Variants in ESYT2 observed in about 807,000 individuals in gnomAD.
The protein encoded by ESYT2 is extended synaptotagmin-2.
ESYT2 carries 54 observed loss-of-function variants against 107.2 expected under a neutral mutation model. That is an observed-to-expected ratio of 0.50 (90% CI 0.40 to 0.63). ESYT2 has a LOEUF of 0.63. ESYT2 is among the 30% of genes least tolerant of loss of function. ESYT2 has a pLI of 0.00. For synonymous variants in ESYT2, 491 were observed against 434.1 expected (o/e 1.13, Z -1.63); for missense variants, 1,020 against 1,094.5 (o/e 0.93, Z 0.96).
chr7:158,756,783 C>T (rs1390038491), intron 13 of ESYT2, among the ~76,000 whole-genome samples: 1 of 151,806 alleles, frequency 6.6e-6, no homozygotes, highest in Non-Finnish European at 1.5e-5. Flanking sequence ...GTGGTGGGTG[C>T]CTGTAATCCC....
chr7:158,779,128 T>G lies in ESYT2; in HGVS notation c.748-5732A>C, dbSNP rs987514655. ...TATCTAGATAAAACTTCCTTAAGGC[T>G]ATCTAGAAATCTGAAAGATGGCTTC... On this transcript the variant is annotated intron_variant, in intron 6 of 22. Coordinates refer to ENST00000275418, the MANE Select transcript of ESYT2 (RefSeq NM_001367773.1). 2.6e-5 allele frequency among the ~76,000 whole-genome samples: 4 copies of G among 152,358 alleles called. No homozygotes were observed. In the East Asian group the frequency reaches 7.7e-4, roughly 29 times the overall value.
At chr7:158,758,254 T>C (rs1837835204) in intron 13 of ESYT2, among the ~76,000 whole-genome samples, 1 of 152,250 alleles carries the variant, frequency 6.6e-6, no homozygotes, top group African/African-American at 2.4e-5. Flanking sequence ...TAGGTAACTT[T>C]AAATAAAATG....
At chr7:158,804,237 G>T (rs1839739477) in intron 1 of ESYT2, among the ~76,000 whole-genome samples, 2 of 73,554 alleles carry the variant, frequency 2.7e-5, no homozygotes, top group Non-Finnish European at 4.9e-5. Flanking sequence ...CGCCGAGAAG[G>T]GTGAGGCGCG....
chr7:158,734,418 T>C lies in ESYT2; in HGVS notation c.2555+4A>G. 2 of 1,613,878 alleles carry C rather than the reference T, an allele frequency of 1.2e-6. No individual in the cohort carries two copies. Among genetic ancestry groups the C allele is most frequent in the South Asian group, 2.2e-5 (2 of 91,050 alleles). ...GGTTCTCTGTCTGCAGCAGGGACACTCACCACTGGGTCCAGCCTTTGGCAA... is the reference window on the plus strand; with the variant it reads ...GGTTCTCTGTCTGCAGCAGGGACACCCACCACTGGGTCCAGCCTTTGGCAA... On this transcript the variant is annotated splice_donor_region_variant and intron_variant, in intron 22 of 22. Coordinates refer to ENST00000275418, the MANE Select transcript of ESYT2 (RefSeq NM_001367773.1).
At position 158,799,085 on chromosome 7, in the gene ESYT2, T is replaced by C. The variant is rs766009800; in HGVS notation, c.331-13A>G. ...CTGGAAAATGAACCTAGGAGGAAAA[T>C]ACACACATATGACTTATTAACTCCC... On this transcript the variant is annotated splice_polypyrimidine_tract_variant and intron_variant, in intron 1 of 22. Coordinates refer to ENST00000275418, the MANE Select transcript of ESYT2 (RefSeq NM_001367773.1). 1 of 1,612,032 alleles carries C rather than the reference T, an allele frequency of 6.2e-7. No individual in the cohort carries two copies. Among genetic ancestry groups the C allele is most frequent in the Non-Finnish European group, 8.5e-7 (1 of 1,178,516 alleles).
Position 158,734,118 on chromosome 7 carries a change from T to C in ESYT2, c.*89A>G. On this transcript the variant is annotated 3_prime_UTR_variant, in exon 23 of 23. Transcript: ENST00000275418. ...ATGTATAACTAAATCCATGAAATTA[T>C]AAAAATAACATTGGTACGTCTGTGA... 5.5e-6 allele frequency: 8 copies of C among 1,458,614 alleles called. No homozygotes were observed. Among genetic ancestry groups the C allele is most frequent in the East Asian group, 4.6e-5 (2 of 43,490 alleles). The allele number at this position is 1,458,614 out of a possible 1,614,324, so 90.4% of individuals were successfully genotyped here.
intron 1 of ESYT2, among the ~76,000 whole-genome samples, chr7:158,811,311 A>G (rs908921399): frequency 6.6e-6 from 1 of 152,234 alleles, no homozygotes; most frequent in African/African-American, 2.4e-5. Flanking sequence ...GAGGACCCAA[A>G]GTAAATCAGT....
rs60662415 is a variant in ESYT2 at position 158,782,152 on chromosome 7, TGTGA to T, written c.747+5848_747+5851del. ...GAACGAGAACAAGTGAGTGAACAAG[TGTGA>T]GTGTGAGAACAGTGAGGTGTGAGTG... On this transcript the variant is annotated intron_variant, in intron 6 of 22. Transcript: ENST00000275418. Among the ~76,000 whole-genome samples the T allele has an allele frequency of 2.5e-3, 367 of 146,798 alleles. 6 individuals carry two copies. The East Asian group carries it at 0.056, about 22-fold the overall frequency.
At chr7:158,802,686 A>C (rs759850805) in intron 1 of ESYT2, among the ~76,000 whole-genome samples, 1 of 152,264 alleles carries the variant, frequency 6.6e-6, no homozygotes, top group African/African-American at 2.4e-5. Context: ...TGAAACATGC[A>C]GTATCAATTC....
intron 6 of ESYT2, among the ~76,000 whole-genome samples, chr7:158,777,104 C>T (rs1338946869): frequency 1.3e-5 from 2 of 152,026 alleles, no homozygotes; most frequent in Non-Finnish European, 2.9e-5. Context: ...CTCAAGTGAT[C>T]CGCCCCACTT....
chr7:158,785,120 T>C (rs1311265448), intron 6 of ESYT2, among the ~76,000 whole-genome samples: 1 of 152,132 alleles, frequency 6.6e-6, no homozygotes, highest in Non-Finnish European at 1.5e-5. Flanking sequence ...CTTTTCTCCT[T>C]ACTGATAATT....
At chr7:158,749,798 C>T (rs1837524899) in intron 14 of ESYT2, 75 bp from the exon 15 acceptor site, 1 of 1,364,748 alleles carries the variant, frequency 7.3e-7, no homozygotes. Flanking sequence ...AATGAAATTA[C>T]TGGCTTATAT....
intron 2 of ESYT2, among the ~76,000 whole-genome samples, chr7:158,798,408 A>G (rs1253692653): frequency 6.6e-6 from 1 of 152,106 alleles, no homozygotes; most frequent in Non-Finnish European, 1.5e-5. Flanking sequence ...AGCATTTGGG[A>G]GGCTGAAGCG....
chr7:158,767,322 T>C (rs1188477046), intron 8 of ESYT2, among the ~76,000 whole-genome samples: 2 of 152,304 alleles, frequency 1.3e-5, no homozygotes, highest in East Asian at 1.9e-4. Flanking sequence ...CTGTCCATTT[T>C]AATAAAAACA....
Position 158,743,659 on chromosome 7 carries a change from T to C in ESYT2, c.1664A>G (p.Gln555Arg), listed in dbSNP as rs1223389136. The C allele has an allele frequency of 1.9e-6, 3 of 1,612,052 alleles. No individual in the cohort carries two copies. Among genetic ancestry groups the C allele is most frequent in the South Asian group, 1.1e-5 (1 of 90,912 alleles). ...GACCTTCAGGTTCCCCAGGGAACAC[T>C]GGTGCTGCTCGTCTCTGACCTGCAA... ...LEVEVRDEQHQCSLGNLKVPL... is the reference protein window; with the variant it reads ...LEVEVRDEQHRCSLGNLKVPL... Residue 555 changes from glutamine (Q) to arginine (R), a missense_variant, in exon 17 of 23, where the codon CAG (glutamine) becomes CGG (arginine). Gln to Arg is a conservative substitution (Grantham distance 43, BLOSUM62 1). Coordinates refer to ENST00000275418, the MANE Select transcript of ESYT2 (RefSeq NM_001367773.1).
chr7:158,814,936 CAA>C (rs890687758), intron 1 of ESYT2, among the ~76,000 whole-genome samples: 4 of 147,938 alleles, frequency 2.7e-5, no homozygotes, highest in Admixed American at 2.0e-4. Context: ...CTACTGCCAT[CAA>C]GAGAGAGGAG....
chr7:158,760,117 T>A lies in ESYT2; in HGVS notation c.1264A>T (p.Lys422Ter). The change falls in exon 12 of 23, where the codon AAG becomes TAG. Residue 422 changes from lysine to a stop codon, truncating the protein, a stop_gained. Transcript: ENST00000275418. LOFTEE classifies it high-confidence loss of function. ...WFTLDEVPKGKLHLRLEWLTL... is the reference protein window; with the variant it reads ...WFTLDEVPKG ...AGCCACTCCAGTCTCAAGTGTAGCT[T>A]CCCCTTGGGAACCTCGTCCAGAGTG... 6.2e-7 allele frequency: 1 copy of A among 1,614,188 alleles called. No individual in the cohort carries two copies. The highest frequency in any genetic ancestry group is 8.5e-7 in the Non-Finnish European group (1 of 1,180,038).
chr7:158,793,681 T>G lies in ESYT2; in HGVS notation c.553A>C (p.Lys185Gln). 6.2e-7 allele frequency: 1 copy of G among 1,613,632 alleles called. No individual in the cohort carries two copies. The change falls in exon 4 of 23, where the codon AAA (lysine) becomes CAA (glutamine). Residue 185 changes from lysine to glutamine, a missense_variant. Lys to Gln is a moderately conservative substitution (Grantham distance 53, BLOSUM62 1). Coordinates refer to ENST00000275418, the MANE Select transcript of ESYT2 (RefSeq NM_001367773.1). ...GVKVYTENVD[K>Q]RQIILDLQIS... The stretch of plus-strand genomic sequence containing the variant: ...TGAAGGTCCAAAATAATTTGCCTTT[T>G]GTCTACATTTTCAGTGTATACCTTA...
intron 6 of ESYT2, among the ~76,000 whole-genome samples, chr7:158,781,159 G>A (rs1838776090): frequency 6.6e-6 from 1 of 152,180 alleles, no homozygotes. Flanking sequence ...AGAACAGTGT[G>A]AGGTGTGAGG....
Sources: gnomAD v4.1 joint callset for allele counts (sites outside exome capture counted in the v4.1 genomes callset) on GRCh38, gnomAD v4.1.1 for gene constraint, MANE v1.5 for transcripts, NCBI Gene and HGNC (gene_info 2026-07-23, HGNC 2026-07-21) for gene names.